Variants in DTNA observed in about 807,000 individuals in gnomAD.
DTNA encodes dystrobrevin alpha.
DTNA carries 43 observed loss-of-function variants against 100.7 expected under a neutral mutation model. The ratio of observed to expected loss-of-function variants is 0.43; its 90% confidence interval spans 0.33 to 0.55. The LOEUF (loss-of-function observed/expected upper bound fraction) is 0.55, where lower values mean the gene tolerates loss of function less well. Among genes scored for constraint, DTNA ranks in the 20% least tolerant of loss-of-function variants. DTNA has a pLI of 0.04. For missense variants in DTNA, 798 were observed against 953.9 expected (o/e 0.84, Z 2.15); for synonymous variants, 349 against 347.9 (o/e 1.00, Z -0.04).
intron 1 of DTNA, among the ~76,000 whole-genome samples, chr18:34,561,550 A>G (rs2046637380): frequency 1.3e-5 from 2 of 152,126 alleles, no homozygotes; most frequent in African/African-American, 4.8e-5. Flanking sequence ...TGCTATTGAA[A>G]TAGCATTATT....
intron 4 of DTNA, among the ~76,000 whole-genome samples, chr18:34,798,728 A>G (rs1434572408): frequency 6.6e-6 from 1 of 152,244 alleles, no homozygotes; most frequent in Non-Finnish European, 1.5e-5. Flanking sequence ...AGGTCAAGCT[A>G]TAGTCTTCCA....
At chr18:34,770,993 G>A (rs949749647) in intron 3 of DTNA, among the ~76,000 whole-genome samples, 14 of 151,962 alleles carry the variant, frequency 9.2e-5, no homozygotes, top group African/African-American at 2.7e-4. Context: ...GGTTGGCCAG[G>A]CCAGGTGGCA....
At chr18:34,673,602 A>G (rs999847631) in intron 1 of DTNA, among the ~76,000 whole-genome samples, 2 of 152,138 alleles carry the variant, frequency 1.3e-5, no homozygotes, top group African/African-American at 4.8e-5. Flanking sequence ...GCACCTTTAA[A>G]ACAGTTGACT....
chr18:34,715,277 G>C (rs1043987025), intron 1 of DTNA, among the ~76,000 whole-genome samples: 4 of 152,074 alleles, frequency 2.6e-5, no homozygotes, highest in Non-Finnish European at 5.9e-5. Flanking sequence ...GTATCTGACA[G>C]GAAAAATGCA....
intron 1 of DTNA, among the ~76,000 whole-genome samples, chr18:34,598,601 A>C (rs894681848): frequency 4.6e-5 from 7 of 152,184 alleles, no homozygotes; most frequent in Non-Finnish European, 8.8e-5. Context: ...GCATTGGTTC[A>C]CGCCTGTAAT....
chr18:34,590,302 G>A (rs1423264040), intron 1 of DTNA, among the ~76,000 whole-genome samples: 1 of 152,128 alleles, frequency 6.6e-6, no homozygotes, highest in Non-Finnish European at 1.5e-5. Flanking sequence ...TGACTTGGAT[G>A]TATTAATGTT....
chr18:34,749,234 C>T (rs1057381306), intron 1 of DTNA, among the ~76,000 whole-genome samples: 2 of 151,908 alleles, frequency 1.3e-5, no homozygotes, highest in African/African-American at 4.8e-5. Flanking sequence ...TCTTTAGGGC[C>T]TCCTAGGTGT....
chr18:34,683,601 A>G (rs1436229744), intron 1 of DTNA: 1 of 152,152 alleles, frequency 6.6e-6, no homozygotes, highest in African/African-American at 2.4e-5. Context: ...TGAACCTGCA[A>G]TGCCTAATTT....
At chr18:34,601,924 T>G (rs890543332) in intron 1 of DTNA, among the ~76,000 whole-genome samples, 17 of 152,174 alleles carry the variant, frequency 1.1e-4, no homozygotes, top group African/African-American at 4.1e-4. Context: ...TCTTAATGCT[T>G]TCTCCTCTCT....
At position 34,889,113 on chromosome 18, in the gene DTNA, C is replaced by G. The variant is rs763581987; in HGVS notation, c.*1379C>G. On this transcript the variant is annotated 3_prime_UTR_variant, in exon 23 of 23. Transcript: ENST00000444659. Reference sequence around the variant, plus strand: ...GGGAAAAAGAAAAAGTAATCTTCTACTTGCTTCAAGATTTGATTTTTTTAA... The same window carrying G: ...GGGAAAAAGAAAAAGTAATCTTCTAGTTGCTTCAAGATTTGATTTTTTTAA... 132 of 980,532 alleles carry G rather than the reference C, an allele frequency of 1.3e-4. No individual in the cohort carries two copies. In the Middle Eastern group the frequency reaches 2.1e-3, roughly 15 times the overall value. The allele number at this position is 980,532 out of a possible 1,614,324, so 60.7% of individuals were successfully genotyped here.
chr18:34,864,140 GT>G, intron 17 of DTNA, 78 bp downstream of exon 17: 2 of 1,314,638 alleles, frequency 1.5e-6, no homozygotes, highest in African/African-American at 1.5e-5. Context: ...ATGTGCAATG[GT>G]TTTTCCAATT....
intron 1 of DTNA, among the ~76,000 whole-genome samples, chr18:34,550,839 GA>G (rs1221013745): frequency 3.9e-5 from 6 of 151,924 alleles, no homozygotes; most frequent in African/African-American, 4.8e-5. Flanking sequence ...CTCTTTAAAG[GA>G]AAAAAATTTC....
intron 9 of DTNA, among the ~76,000 whole-genome samples, chr18:34,824,868 G>A (rs564155795): frequency 9.4e-5 from 14 of 148,420 alleles, no homozygotes; most frequent in South Asian, 2.1e-4. Context: ...TGAAAAAATG[G>A]CAAAAATATG....
At chr18:34,733,743 C>T (rs958993685) in intron 1 of DTNA, among the ~76,000 whole-genome samples, 1 of 152,190 alleles carries the variant, frequency 6.6e-6, no homozygotes, top group Non-Finnish European at 1.5e-5. Flanking sequence ...GACTAATCCA[C>T]TCCACCATCC....
chr18:34,696,618 T>C (rs757772611), intron 1 of DTNA, among the ~76,000 whole-genome samples: 37 of 152,014 alleles, frequency 2.4e-4, no homozygotes, highest in Admixed American at 7.9e-4. Context: ...AATGGCAGCA[T>C]TGGAAAGTAA....
chr18:34,861,781 G>T (rs534601898), intron 16 of DTNA, among the ~76,000 whole-genome samples: 2 of 152,250 alleles, frequency 1.3e-5, no homozygotes, highest in South Asian at 2.1e-4. Flanking sequence ...ATATTTTTAA[G>T]AGATTACTAC....
At chr18:34,581,707 A>T (rs1320153405) in intron 1 of DTNA, among the ~76,000 whole-genome samples, 1 of 138,098 alleles carries the variant, frequency 7.2e-6, no homozygotes, top group East Asian at 2.1e-4. Context: ...TGCACCCTCC[A>T]CCTCCTGGCT....
At chr18:34,692,181 T>A (rs1290485736) in intron 1 of DTNA, among the ~76,000 whole-genome samples, 2 of 152,212 alleles carry the variant, frequency 1.3e-5, no homozygotes, top group Admixed American at 6.5e-5. Flanking sequence ...TATTTTGAGA[T>A]AAATTTGAGT....
At chr18:34,749,630 A>C (rs929755999) in intron 1 of DTNA, among the ~76,000 whole-genome samples, 6 of 128,058 alleles carry the variant, frequency 4.7e-5, no homozygotes, top group African/African-American at 1.8e-4. Flanking sequence ...GAGCTCATGC[A>C]CCTCTCTCCA....
Sources: allele counts gnomAD v4.1 joint callset (sites outside exome capture counted in the v4.1 genomes callset), GRCh38; gene constraint gnomAD v4.1.1; transcripts MANE v1.5; gene names NCBI Gene and HGNC (gene_info 2026-07-23, HGNC 2026-07-21).